Variants in BRIP1 observed in about 807,000 individuals in gnomAD.
The protein encoded by BRIP1 is Fanconi anemia group J protein.
In BRIP1, 88 loss-of-function variants were observed where a neutral mutation model predicts 119.7. The ratio of observed to expected loss-of-function variants is 0.74; its 90% CI spans 0.62 to 0.88. BRIP1 has a LOEUF of 0.88. BRIP1 is among the 40% of genes least tolerant of loss of function. The pLI is 0.00. For synonymous variants in BRIP1, 443 were observed against 496.5 expected (o/e 0.89, Z 1.43); for missense variants, 1,259 against 1,455.4 (o/e 0.87, Z 2.20).
At position 61,768,932 on chromosome 17, in the gene BRIP1, G is replaced by A. The variant is rs1172765415; in HGVS notation, c.2097+7469C>T. On this transcript the variant is annotated intron_variant, in intron 14 of 19. Transcript: ENST00000259008. The surrounding 1 kb of genome is among the most constrained non-coding windows in gnomAD (Gnocchi z 5.0). ...CCCTACAGAAGAGACACCTTTGTTG[G>A]CTTTGAAGAAGGAAAAAAAAAAGTA... Among the ~76,000 whole-genome samples, 1 of 152,014 alleles carries A rather than the reference G, an allele frequency of 6.6e-6. No homozygotes were observed. Among genetic ancestry groups the A allele is most frequent in the African/African-American group, 2.4e-5 (1 of 41,376 alleles).
intron 19 of BRIP1, 31 bp downstream of exon 19, chr17:61,685,801 CTCTA>C: frequency 6.6e-7 from 1 of 1,512,058 alleles, no homozygotes; most frequent in Non-Finnish European, 9.2e-7. Flanking sequence ...TGAAAGACTT[CTCTA>C]TCAAAGGTAA....
At position 61,761,992 on chromosome 17, in the gene BRIP1, G is replaced by A. The variant is rs1446223191; in HGVS notation, c.2097+14409C>T. On this transcript the variant is annotated intron_variant, in intron 14 of 19. Coordinates refer to ENST00000259008, the MANE Select transcript of BRIP1 (RefSeq NM_032043.3). This position sits in a 1 kb window ranked among gnomAD's most constrained non-coding sequence, Gnocchi z 6.4. ...AAGAACAAAAATGGAGGCATCACAC[G>A]ACCTGATTCCAAACCACACTGCAAA... 2.6e-5 allele frequency among the ~76,000 whole-genome samples: 4 copies of A among 151,986 alleles called. No homozygotes were observed. Among genetic ancestry groups the A allele is most frequent in the East Asian group, 3.9e-4 (2 of 5,176 alleles).
chr17:61,732,068 C>T (rs561256460), intron 16 of BRIP1, among the ~76,000 whole-genome samples: 2 of 149,160 alleles, frequency 1.3e-5, no homozygotes, highest in South Asian at 4.3e-4. Flanking sequence ...TGCAACCTCC[C>T]CCTCCCAAGT....
chr17:61,852,013 C>T lies in BRIP1; in HGVS notation c.380-2757G>A, dbSNP rs1362686137. Among the ~76,000 whole-genome samples, 1 of 152,178 alleles carries T rather than the reference C, an allele frequency of 6.6e-6. No homozygotes were observed. The highest frequency in any genetic ancestry group is 1.9e-4 in the East Asian group (1 of 5,192). On this transcript the variant is annotated intron_variant, in intron 4 of 19. Transcript: ENST00000259008. The surrounding 1 kb of genome is among the most constrained non-coding windows in gnomAD (Gnocchi z 4.9). ...AACATCTCACAAGGGAGAGCTCCTA[C>T]AACAAAGAGTTATCCCACTCAAAAT...
Position 61,815,913 on chromosome 17 carries a change from C to T in BRIP1, c.628-7156G>A, listed in dbSNP as rs1373217836. On this transcript the variant is annotated intron_variant, in intron 6 of 19. Coordinates refer to ENST00000259008, the MANE Select transcript of BRIP1 (RefSeq NM_032043.3). This position sits in a 1 kb window ranked among gnomAD's most constrained non-coding sequence, Gnocchi z 4.1. ...TTTGCTGTTGTCCAAGCCATCTAAA[C>T]AGGTACTGAATGCCCGTTGTGCAAA... 6.6e-6 allele frequency among the ~76,000 whole-genome samples: 1 copy of T among 152,196 alleles called. No individual in the cohort carries two copies. Among genetic ancestry groups the T allele is most frequent in the Non-Finnish European group, 1.5e-5 (1 of 68,020 alleles).
intron 6 of BRIP1, among the ~76,000 whole-genome samples, chr17:61,818,863 C>T (rs960428481): frequency 8.5e-5 from 13 of 152,154 alleles, no homozygotes; most frequent in Non-Finnish European, 1.6e-4. Context: ...ATCCAAACTA[C>T]AATGAGATAT....
intron 10 of BRIP1, among the ~76,000 whole-genome samples, chr17:61,790,052 T>A (rs548456900): frequency 9.2e-5 from 14 of 152,310 alleles, no homozygotes; most frequent in African/African-American, 3.4e-4. Flanking sequence ...CTGACCAGGA[T>A]ACAAAACATT....
Position 61,822,368 on chromosome 17 carries a change from G to A in BRIP1, c.628-13611C>T, listed in dbSNP as rs944761001. 2.0e-5 allele frequency among the ~76,000 whole-genome samples: 3 copies of A among 152,076 alleles called. No individual in the cohort carries two copies. The highest frequency in any genetic ancestry group is 7.2e-5 in the African/African-American group (3 of 41,424). On this transcript the variant is annotated intron_variant, in intron 6 of 19. Coordinates refer to ENST00000259008, the MANE Select transcript of BRIP1 (RefSeq NM_032043.3). This position sits in a 1 kb window ranked among gnomAD's most constrained non-coding sequence, Gnocchi z 4.4. ...CAGGGTAGAGATACTACCAAAAGGA[G>A]AAGTAACTAGTTTTTCAGGGCTTGC... is the stretch of plus-strand genomic sequence containing the variant.
At chr17:61,766,500 C>T (rs1388024239) in intron 14 of BRIP1, among the ~76,000 whole-genome samples, 1 of 152,058 alleles carries the variant, frequency 6.6e-6, no homozygotes, top group South Asian at 2.1e-4. Context: ...CAGCCTTCTA[C>T]ACGAGGGGAA....
In BRIP1 at chr17:61,857,218, A is replaced by G. The variant is rs1603366434; in HGVS notation, c.219T>C (p.Asp73=). The change falls in exon 4 of 20, where the codon GAT becomes GAC. Residue 73 remains aspartate, a synonymous_variant. Coordinates refer to ENST00000259008, the MANE Select transcript of BRIP1 (RefSeq NM_032043.3). This position sits in a 1 kb window ranked among gnomAD's most constrained non-coding sequence, Gnocchi z 5.1. ...WQQSLSGKPA[D]EGVSEKAEVQ... Reference sequence around the variant, plus strand: ...CTTCAGCTTTTTCACTTACGCCCTCATCTGCTGGTTTCCCTAAAAATGAAA... The same window carrying G: ...CTTCAGCTTTTTCACTTACGCCCTCGTCTGCTGGTTTCCCTAAAAATGAAA... 6.2e-7 allele frequency: 1 copy of G among 1,613,626 alleles called. No individual in the cohort carries two copies. Among genetic ancestry groups the G allele is most frequent in the Non-Finnish European group, 8.5e-7 (1 of 1,179,638 alleles).
Position 61,701,153 on chromosome 17 carries a change from G to A in BRIP1, c.2493-7641C>T, listed in dbSNP as rs987690709. Among the ~76,000 whole-genome samples, 1 of 152,104 alleles carries A rather than the reference G, an allele frequency of 6.6e-6. No individual in the cohort carries two copies. The highest frequency in any genetic ancestry group is 1.5e-5 in the Non-Finnish European group (1 of 68,016). On this transcript the variant is annotated intron_variant, in intron 17 of 19. Transcript: ENST00000259008. The surrounding 1 kb of genome is among the most constrained non-coding windows in gnomAD (Gnocchi z 5.1). ...TTTGTCTACTAAGACAAATGTCTGG[G>A]TTTCCTCAGGGAGAGTTTCTATTAT...
Position 61,834,548 on chromosome 17 carries a change from C to T in BRIP1, c.627+12553G>A, listed in dbSNP as rs1256089139. The stretch of plus-strand genomic sequence containing the variant: ...TTATCTTTGTATATAAGCTCCCTTT[C>T]AAGGTTACTTTGTAGCTCTTCCTAC... On this transcript the variant is annotated intron_variant, in intron 6 of 19. Coordinates refer to ENST00000259008, the MANE Select transcript of BRIP1 (RefSeq NM_032043.3). The surrounding 1 kb of genome is among the most constrained non-coding windows in gnomAD (Gnocchi z 4.4). 2.0e-5 allele frequency among the ~76,000 whole-genome samples: 3 copies of T among 152,120 alleles called. No individual in the cohort carries two copies. The highest frequency in any genetic ancestry group is 7.2e-5 in the African/African-American group (3 of 41,404).
In BRIP1 at chr17:61,751,489, CAT is replaced by C. The variant is rs969674185; in HGVS notation, c.2098-6900_2098-6899del. On this transcript the variant is annotated intron_variant, in intron 14 of 19. Coordinates refer to ENST00000259008, the MANE Select transcript of BRIP1 (RefSeq NM_032043.3). This position sits in a 1 kb window ranked among gnomAD's most constrained non-coding sequence, Gnocchi z 6.7. ...AATGCTTAAAAGGTAAATTTTATGT[CAT>C]GTGTATTTTACCACAATTTTAAAAA... Among the ~76,000 whole-genome samples the C allele has an allele frequency of 6.6e-5, 10 of 152,086 alleles. No individual in the cohort carries two copies. The highest frequency in any genetic ancestry group is 8.8e-5 in the Non-Finnish European group (6 of 68,012).
chr17:61,838,859 CA>C (rs1294279070), intron 6 of BRIP1, among the ~76,000 whole-genome samples: 1 of 151,484 alleles, frequency 6.6e-6, no homozygotes, highest in East Asian at 1.9e-4. Flanking sequence ...TTACTTTATC[CA>C]AAAGTTTTGG....
Position 61,757,533 on chromosome 17 carries a change from G to A in BRIP1, c.2098-12942C>T, listed in dbSNP as rs1171506135. On this transcript the variant is annotated intron_variant, in intron 14 of 19. Transcript: ENST00000259008. The surrounding 1 kb of genome is among the most constrained non-coding windows in gnomAD (Gnocchi z 4.3). ...TGAGGACTCTGAAAATGTCAGAGCT[G>A]CACTACTAGTGCAGTAATGCACTAG... Among the ~76,000 whole-genome samples the A allele has an allele frequency of 1.3e-5, 2 of 152,162 alleles. No individual in the cohort carries two copies. The highest frequency in any genetic ancestry group is 4.8e-5 in the African/African-American group (2 of 41,450).
intron 17 of BRIP1, among the ~76,000 whole-genome samples, chr17:61,711,310 TATA>T (rs1351381329): frequency 6.6e-6 from 1 of 151,998 alleles, no homozygotes; most frequent in East Asian, 1.9e-4. Context: ...GCAAATTGAG[TATA>T]ATGACTAAAA....
At chr17:61,829,062 GA>G (rs1216529759) in intron 6 of BRIP1, among the ~76,000 whole-genome samples, 1 of 151,884 alleles carries the variant, frequency 6.6e-6, no homozygotes, top group Non-Finnish European at 1.5e-5. Context: ...GGGGAATAAA[GA>G]AAAGTTGGAA....
intron 6 of BRIP1, among the ~76,000 whole-genome samples, chr17:61,813,256 T>C (rs1567841989): frequency 7.0e-6 from 1 of 143,810 alleles, no homozygotes; most frequent in African/African-American, 2.6e-5. Context: ...AATGAAACAG[T>C]AAAAAAAAAA....
At position 61,801,352 on chromosome 17, in the gene BRIP1, T is replaced by C. The variant is rs1555607724; in HGVS notation, c.1041A>G (p.Leu347=). Residue 347 remains leucine, a synonymous_variant, in exon 8 of 20, where the codon CTA becomes CTG. Coordinates refer to ENST00000259008, the MANE Select transcript of BRIP1 (RefSeq NM_032043.3). Reference sequence around the variant, plus strand: ...GGGCTGTGTAATATGGACAGGCCTTTAGTTTCTTCCCCAGGCTGACAAGTT... The same window carrying C: ...GGGCTGTGTAATATGGACAGGCCTTCAGTTTCTTCCCCAGGCTGACAAGTT... ...IEELVSLGKK[L]KACPYYTARE... The C allele has an allele frequency of 2.5e-6, 4 of 1,614,060 alleles. No homozygotes were observed. The highest frequency in any genetic ancestry group is 1.7e-6 in the Non-Finnish European group (2 of 1,179,936).
Sources: gnomAD v4.1 joint callset for allele counts (sites outside exome capture counted in the v4.1 genomes callset) on GRCh38, gnomAD v4.1.1 for gene constraint, Gnocchi (gnomAD v3.1) non-coding constraint, MANE v1.5 for transcripts, NCBI Gene and HGNC (gene_info 2026-07-23, HGNC 2026-07-21) for gene names.